GPHN: variants seen among roughly 807,000 people sequenced by gnomAD.
GPHN encodes the protein gephyrin.
GPHN carries 17 observed loss-of-function variants against 95.5 expected under a neutral mutation model. The observed-to-expected ratio is 0.18, with a 90% CI of 0.12 to 0.27. GPHN has a LOEUF of 0.27. GPHN is among the 10% of genes least tolerant of loss of function. GPHN has a pLI of 1.00. For synonymous variants in GPHN, 320 were observed against 322.5 expected, an observed-to-expected ratio of 0.99 and a Z score of 0.08; for missense variants, 660 against 978.1, an observed-to-expected ratio of 0.67 and a Z score of 4.34.
chr14:67,105,200 T>A (rs2077967437), intron 13 of GPHN, among the ~76,000 whole-genome samples: 1 of 152,108 alleles, frequency 6.6e-6, no homozygotes, highest in South Asian at 2.1e-4. Context: ...TGGAAAAAAA[T>A]TCGATATAAT....
the GPHN span, among the ~76,000 whole-genome samples, chr14:67,373,930 C>T: frequency 6.6e-6 from 1 of 151,268 alleles, no homozygotes; most frequent in African/African-American, 2.4e-5. Context: ...GTGAATTTTC[C>T]TATTCTGGAG....
chr14:66,645,247 TAGAAA>T (rs1394559948), intron 1 of GPHN, among the ~76,000 whole-genome samples: 1 of 152,094 alleles, frequency 6.6e-6, no homozygotes, highest in African/African-American at 2.4e-5. Flanking sequence ...AAATAAAAAA[TAGAAA>T]AGAATGTTGG....
At chr14:67,255,255 G>T in the GPHN span, among the ~76,000 whole-genome samples, 6 of 152,314 alleles carry the variant, frequency 3.9e-5, no homozygotes, top group South Asian at 1.2e-3. Flanking sequence ...AAGAAAATCT[G>T]CATGGAGTAC....
At chr14:66,709,818 A>G (rs977374547) in intron 2 of GPHN, among the ~76,000 whole-genome samples, 1 of 152,168 alleles carries the variant, frequency 6.6e-6, no homozygotes, top group Admixed American at 6.6e-5. Context: ...AGCACTCCAA[A>G]GGGGAAATGT....
chr14:67,387,900 A>G, the GPHN span, among the ~76,000 whole-genome samples: 1 of 152,226 alleles, frequency 6.6e-6, no homozygotes, highest in Non-Finnish European at 1.5e-5. Context: ...TGAAATTAGT[A>G]TTATGATACA....
chr14:66,607,541 C>T (rs2062592456), intron 1 of GPHN, among the ~76,000 whole-genome samples: 1 of 151,708 alleles, frequency 6.6e-6, no homozygotes, highest in Non-Finnish European at 1.5e-5. Context: ...GGAGTCCCTC[C>T]TCCTCAATTT....
intron 1 of GPHN, among the ~76,000 whole-genome samples, chr14:66,572,482 C>CTG (rs60787589): frequency 0.016 from 2,419 of 148,518 alleles, 54 homozygotes; most frequent in Admixed American, 0.062. Flanking sequence ...ATTTATTCCT[C>CTG]TGTGTGTGTG....
rs796419271 is a variant in GPHN, at chr14:67,071,104, A to G, written c.1144+12318A>G. Among the ~76,000 whole-genome samples, 25 of 152,236 alleles carry G rather than the reference A, an allele frequency of 1.6e-4. 1 individual carries two copies. The highest frequency in any genetic ancestry group is 6.0e-4 in the African/African-American group (25 of 41,526). On this transcript the variant is annotated intron_variant, in intron 11 of 22. Transcript: ENST00000478722. ...TCCTCAAGGATCTAGAACTAGAAAT[A>G]CCATTTGACCCAGCCATCCCATTAC...
chr14:66,684,107 T>C (rs1454347270), intron 2 of GPHN, among the ~76,000 whole-genome samples: 2 of 152,186 alleles, frequency 1.3e-5, no homozygotes, highest in Non-Finnish European at 2.9e-5. Context: ...TAGAATAAGA[T>C]GTGTGTTGAG....
At chr14:67,578,209 C>A in the GPHN span, 1 of 1,610,276 alleles carries the variant, frequency 6.2e-7, no homozygotes, top group Non-Finnish European at 8.5e-7. This position sits in a 1 kb window ranked among gnomAD's most constrained non-coding sequence, Gnocchi z 5.0. Flanking sequence ...GGTAGGCATG[C>A]CAGGGGTGGA....
chr14:67,175,358 T>C (rs575004385), intron 21 of GPHN, among the ~76,000 whole-genome samples: 8 of 152,348 alleles, frequency 5.3e-5, no homozygotes, highest in Non-Finnish European at 1.0e-4. Context: ...TGCTTGTTTT[T>C]GTCAGGTTTG....
chr14:67,043,479 T>C (rs560875359), intron 10 of GPHN, among the ~76,000 whole-genome samples: 6 of 152,326 alleles, frequency 3.9e-5, no homozygotes, highest in Admixed American at 3.9e-4. Context: ...TCTGCATCTA[T>C]TAAGATAATC....
the GPHN span, among the ~76,000 whole-genome samples, chr14:67,437,265 G>A: frequency 6.6e-6 from 1 of 152,160 alleles, no homozygotes; most frequent in Non-Finnish European, 1.5e-5. Context: ...ATGGTGGGGA[G>A]GCAAAAAATA....
At chr14:67,204,452 A>T in the GPHN span, 1 of 1,403,658 alleles carries the variant, frequency 7.1e-7, no homozygotes, top group East Asian at 2.6e-5. Context: ...AAAACAAACA[A>T]ACAAATATAT....
chr14:67,023,064 A>G (rs1567223295), intron 9 of GPHN, among the ~76,000 whole-genome samples: 1 of 152,066 alleles, frequency 6.6e-6, no homozygotes, highest in Non-Finnish European at 1.5e-5. Flanking sequence ...TATTATAACT[A>G]TGATAAATTA....
At chr14:66,680,644 A>G (rs903703067) in intron 1 of GPHN, among the ~76,000 whole-genome samples, 3 of 152,242 alleles carry the variant, frequency 2.0e-5, no homozygotes, top group African/African-American at 7.2e-5. Flanking sequence ...AAATTAAAAT[A>G]ATCAGCAGGA....
At chr14:67,020,133 C>G (rs2073531017) in intron 9 of GPHN, among the ~76,000 whole-genome samples, 1 of 152,176 alleles carries the variant, frequency 6.6e-6, no homozygotes, top group Non-Finnish European at 1.5e-5. Flanking sequence ...TGGGCCATCT[C>G]TCTCTTTTTG....
In GPHN at chr14:67,086,444, G is replaced by A. The variant is rs377207580; in HGVS notation, c.1145-2539G>A. On this transcript the variant is annotated intron_variant, in intron 11 of 22. Coordinates refer to ENST00000478722, the MANE Select transcript of GPHN (RefSeq NM_020806.5). ...AGGCGGGCAGATCACGAGGTCAGGA[G>A]ATCGAGACCATCCTGGCTAACACGG... is the stretch of plus-strand genomic sequence containing the variant. 6.7e-4 allele frequency among the ~76,000 whole-genome samples: 102 copies of A among 152,090 alleles called. 1 individual carries two copies. In the East Asian group the frequency reaches 0.016, roughly 23 times the overall value.
At chr14:67,221,108 C>A in the GPHN span, among the ~76,000 whole-genome samples, 2 of 152,114 alleles carry the variant, frequency 1.3e-5, no homozygotes, top group Admixed American at 1.3e-4. Context: ...TGATTATTAT[C>A]AGTTTTAAAA....
Sources: gnomAD v4.1 joint callset for allele counts (sites outside exome capture counted in the v4.1 genomes callset) on GRCh38, gnomAD v4.1.1 for gene constraint, Gnocchi (gnomAD v3.1) non-coding constraint, MANE v1.5 for transcripts, NCBI Gene and HGNC (gene_info 2026-07-23, HGNC 2026-07-21) for gene names.